RALGPS1: variants seen among roughly 807,000 people sequenced by gnomAD.
The protein encoded by RALGPS1 is ras-specific guanine nucleotide-releasing factor RalGPS1.
RALGPS1 carries 19 observed loss-of-function variants against 78.8 expected under a neutral mutation model. The observed-to-expected ratio is 0.24, with a 90% CI of 0.17 to 0.35. The LOEUF is 0.35. Among genes scored for constraint, RALGPS1 ranks in the 10% least tolerant of loss-of-function variants. RALGPS1 has a pLI of 1.00. For synonymous variants in RALGPS1, 228 were observed against 256.3 expected, an observed-to-expected ratio of 0.89 and a Z score of 1.06; for missense variants, 454 against 688.3, an observed-to-expected ratio of 0.66 and a Z score of 3.81.
At chr9:127,175,198 A>G (rs1027712737) in intron 11 of RALGPS1, among the ~76,000 whole-genome samples, 1 of 152,226 alleles carries the variant, frequency 6.6e-6, no homozygotes, top group Admixed American at 6.5e-5. Context: ...CACCAGATGC[A>G]GGTGGCTCAT....
intron 8 of RALGPS1, chr9:127,093,787 G>A: frequency 6.2e-7 from 1 of 1,614,028 alleles, no homozygotes; most frequent in South Asian, 1.1e-5. Context: ...GGCGTCTCTG[G>A]ATGACGGTCC....
intron 8 of RALGPS1, among the ~76,000 whole-genome samples, chr9:127,145,888 A>G (rs2058065913): frequency 6.6e-6 from 1 of 152,142 alleles, no homozygotes; most frequent in East Asian, 1.9e-4. Flanking sequence ...GGAAGACTGG[A>G]TGTACTCTTT....
At chr9:126,960,019 T>G (rs2038724377) in intron 1 of RALGPS1, among the ~76,000 whole-genome samples, 1 of 152,264 alleles carries the variant, frequency 6.6e-6, no homozygotes, top group South Asian at 2.1e-4. Context: ...AGGGGATAAC[T>G]GAAGTGGATA....
At chr9:126,990,330 A>C (rs2042173349) in intron 4 of RALGPS1, 1 of 248,658 alleles carries the variant, frequency 4.0e-6, no homozygotes, top group South Asian at 7.4e-5. Flanking sequence ...ATGTCTCCTC[A>C]CATTGAGTTC....
intron 4 of RALGPS1, among the ~76,000 whole-genome samples, chr9:127,017,994 ATCACCT>A (rs1156243671): frequency 6.6e-6 from 1 of 152,118 alleles, no homozygotes; most frequent in Non-Finnish European, 1.5e-5. Flanking sequence ...AGGCAGGTGG[ATCACCT>A]GAGGTCAGGA....
At chr9:127,082,698 G>A (rs1440179152) in intron 8 of RALGPS1, among the ~76,000 whole-genome samples, 1 of 152,162 alleles carries the variant, frequency 6.6e-6, no homozygotes, top group African/African-American at 2.4e-5. Flanking sequence ...CCTCTTTGAT[G>A]TAAGTTTTCT....
At chr9:126,943,762 G>A (rs2036992833) in intron 1 of RALGPS1, among the ~76,000 whole-genome samples, 1 of 152,098 alleles carries the variant, frequency 6.6e-6, no homozygotes, top group African/African-American at 2.4e-5. Context: ...ACCAGACCTT[G>A]CCCACCCTGC....
At chr9:127,123,353 C>A (rs1185347132) in intron 8 of RALGPS1, among the ~76,000 whole-genome samples, 1 of 152,236 alleles carries the variant, frequency 6.6e-6, no homozygotes, top group Non-Finnish European at 1.5e-5. Flanking sequence ...GATTAATTCA[C>A]TTCACCTCTC....
At chr9:126,987,983 G>A (rs1040289686) in intron 4 of RALGPS1, among the ~76,000 whole-genome samples, 4 of 152,198 alleles carry the variant, frequency 2.6e-5, no homozygotes, top group Non-Finnish European at 5.9e-5. Flanking sequence ...GGAGAACGGG[G>A]TGGCCAAGAG....
At chr9:127,095,060 T>C (rs1485158741) in intron 8 of RALGPS1, among the ~76,000 whole-genome samples, 1 of 152,146 alleles carries the variant, frequency 6.6e-6, no homozygotes, top group African/African-American at 2.4e-5. Context: ...CAGATGAAAA[T>C]GGCTGAAAGA....
At chr9:126,921,562 C>T (rs559516091) in intron 1 of RALGPS1, among the ~76,000 whole-genome samples, 4 of 152,318 alleles carry the variant, frequency 2.6e-5, no homozygotes, top group East Asian at 3.9e-4. Flanking sequence ...TCAAGTCTGT[C>T]GTGTTCTTCT....
chr9:127,021,821 C>T (rs1029058198), intron 4 of RALGPS1, among the ~76,000 whole-genome samples: 24 of 152,158 alleles, frequency 1.6e-4, no homozygotes, highest in East Asian at 7.7e-4. Context: ...GTCCGCTAAT[C>T]GGGCTCTTTC....
intron 8 of RALGPS1, among the ~76,000 whole-genome samples, chr9:127,163,589 A>G (rs186369661): frequency 6.6e-6 from 1 of 152,330 alleles, no homozygotes; most frequent in African/African-American, 2.4e-5. Context: ...GACTCATGGT[A>G]TCTAGCACCA....
chr9:127,045,213 G>A (rs1413970057), intron 5 of RALGPS1, among the ~76,000 whole-genome samples: 1 of 152,054 alleles, frequency 6.6e-6, no homozygotes, highest in Non-Finnish European at 1.5e-5. Flanking sequence ...TCAACTTGAG[G>A]GATCAGTGTA....
intron 17 of RALGPS1, among the ~76,000 whole-genome samples, chr9:127,213,619 A>G (rs140741614): frequency 2.8e-4 from 43 of 152,330 alleles, no homozygotes; most frequent in African/African-American, 9.1e-4. Flanking sequence ...AGAACAGACT[A>G]TGGTGGGTCT....
intron 14 of RALGPS1, among the ~76,000 whole-genome samples, chr9:127,208,895 A>G (rs915558624): frequency 5.3e-5 from 8 of 152,232 alleles, no homozygotes; most frequent in Non-Finnish European, 1.2e-4. Context: ...GCTGGCCACC[A>G]TGCCCTGTCT....
chr9:127,184,407 G>A (rs550001783), intron 11 of RALGPS1: 2 of 280,262 alleles, frequency 7.1e-6, no homozygotes, highest in Admixed American at 4.9e-5. Context: ...CGTGAGAGCT[G>A]CATGTATGAG....
At chr9:127,040,084 GA>G (rs535004354) in intron 5 of RALGPS1, among the ~76,000 whole-genome samples, 34 of 152,166 alleles carry the variant, frequency 2.2e-4, no homozygotes, top group Non-Finnish European at 3.8e-4. Flanking sequence ...AGATGCAAGG[GA>G]AGTTAAACTA....
intron 4 of RALGPS1, among the ~76,000 whole-genome samples, chr9:126,994,129 T>G (rs1354129934): frequency 6.6e-6 from 1 of 152,190 alleles, no homozygotes; most frequent in Non-Finnish European, 1.5e-5. Context: ...GCACCTCTCC[T>G]TCTCCAAAGG....
Sources: gnomAD v4.1 joint callset for allele counts (sites outside exome capture counted in the v4.1 genomes callset) on GRCh38, gnomAD v4.1.1 for gene constraint, MANE v1.5 for transcripts, NCBI Gene and HGNC (gene_info 2026-07-23, HGNC 2026-07-21) for gene names.